Variants in ABCC11 observed in about 807,000 individuals in gnomAD.
The protein encoded by ABCC11 is ATP binding cassette subfamily C member 11.
In ABCC11, 135 loss-of-function variants were observed where a neutral mutation model predicts 149.3. The ratio of observed to expected loss-of-function variants is 0.90; its 90% CI spans 0.79 to 1.04. ABCC11 has a LOEUF of 1.04. Ranked by LOEUF, ABCC11 falls within the 50% of genes least tolerant of loss-of-function variation. The pLI, the probability that ABCC11 is intolerant of heterozygous loss-of-function variation, is 0.00. For synonymous variants in ABCC11, 665 were observed against 671.4 expected (o/e 0.99, Z 0.15); for missense variants, 1,680 against 1,722.1 (o/e 0.98, Z 0.43).
At chr16:48,244,946 A>T (rs1971274024) in intron 1 of ABCC11, among the ~76,000 whole-genome samples, 1 of 151,892 alleles carries the variant, frequency 6.6e-6, no homozygotes, top group Non-Finnish European at 1.5e-5. Flanking sequence ...AGTGCTTTTA[A>T]CTTTCCAGGC....
rs2150700612 is a variant in ABCC11 at position 48,167,574 on chromosome 16, G to A, written c.3978C>T (p.Gly1326=). The change falls in exon 29 of 30, where the codon GGC becomes GGT. Residue 1326 remains glycine, a synonymous_variant. Transcript: ENST00000356608. ...GGTGGGCAATGACGAGCACGGTGCA[G>A]CCCTGGAAGGCTTCACGGATTGTGC... ...IQRTIREAFQ[G]CTVLVIAHRV... is the part of the protein sequence containing the mutation. The A allele has an allele frequency of 6.2e-7, 1 of 1,614,210 alleles. No individual in the cohort carries two copies. The highest frequency in any genetic ancestry group is 1.7e-5 in the Admixed American group (1 of 60,026).
At chr16:48,228,488 C>T (rs374001427) in intron 3 of ABCC11, among the ~76,000 whole-genome samples, 12 of 151,846 alleles carry the variant, frequency 7.9e-5, no homozygotes, top group Non-Finnish European at 1.2e-4. Flanking sequence ...CCCAGCTACT[C>T]GGGAGGCTGA....
At chr16:48,208,361 A>C in intron 12 of ABCC11, 64 bp downstream of exon 12, 1 of 1,599,248 alleles carries the variant, frequency 6.3e-7, no homozygotes, top group Non-Finnish European at 8.6e-7. Flanking sequence ...CGCCTGGGGC[A>C]CTGGAGCTTG....
rs868029279 is a variant in ABCC11 at position 48,211,143 on chromosome 16, G to T, written c.1413C>A (p.Ser471Arg). ...VFYVQTLQDP[S>R]KALVFEEATL... ...TGGCCTCCTCAAAGACCAGAGCTTT[G>T]CTGGGGTCTTGTAATGTCTGGACAT... The change falls in exon 11 of 30, where the codon AGC becomes AGA. Residue 471 changes from serine to arginine, a missense_variant. Transcript: ENST00000356608. 7 of 1,614,212 alleles carry T rather than the reference G, an allele frequency of 4.3e-6. 1 individual carries two copies. The Middle Eastern group carries it at 9.9e-4, about 228-fold the overall frequency.
At position 48,215,300 on chromosome 16, in the gene ABCC11, A is replaced by C; in HGVS notation, c.996T>G (p.Ser332=). ...RMAVKAQHHT[S]EVSDQRIRVT... Reference sequence around the variant, plus strand: ...CACGGATGCGCTGGTCGCTGACCTCAGATGTGTGATGCTGAGCCTTCACAG... The same window carrying C: ...CACGGATGCGCTGGTCGCTGACCTCCGATGTGTGATGCTGAGCCTTCACAG... The change falls in exon 8 of 30, where the codon TCT becomes TCG. Residue 332 remains serine, a synonymous_variant. Coordinates refer to ENST00000356608, the MANE Select transcript of ABCC11 (RefSeq NM_001370497.1). 6.2e-7 allele frequency: 1 copy of C among 1,614,188 alleles called. No individual in the cohort carries two copies. Among genetic ancestry groups the C allele is most frequent in the Non-Finnish European group, 8.5e-7 (1 of 1,179,998 alleles).
chr16:48,183,148 G>A (rs1251802717), intron 23 of ABCC11, among the ~76,000 whole-genome samples: 2 of 152,096 alleles, frequency 1.3e-5, no homozygotes, highest in African/African-American at 4.8e-5. Flanking sequence ...CATTCTCTCA[G>A]GGGACATACG....
At chr16:48,165,619 T>G (rs17743256), downstream of ABCC11, 12,085 of 152,428 alleles carry the variant, frequency 0.079, 509 homozygotes, top group African/African-American at 0.1. Context: ...TGCATCCTGT[T>G]CCTGCTTCTA....
At chr16:48,210,479 A>G (rs1171552640) in intron 11 of ABCC11, 1 of 160,896 alleles carries the variant, frequency 6.2e-6, no homozygotes, top group Non-Finnish European at 1.4e-5. Flanking sequence ...CAATATCTAC[A>G]TTAATAGATA....
At chr16:48,184,769 C>T in intron 22 of ABCC11, 143 bp from the exon 23 acceptor site, 1 of 822,004 alleles carries the variant, frequency 1.2e-6, no homozygotes, top group Non-Finnish European at 1.9e-6. Flanking sequence ...GGGAGTTCCT[C>T]CCTACCCCTT....
chr16:48,226,099 T>C (rs2150905649), intron 4 of ABCC11, among the ~76,000 whole-genome samples: 1 of 152,016 alleles, frequency 6.6e-6, no homozygotes, highest in Middle Eastern at 3.4e-3. Context: ...TTATTTGAAA[T>C]GGAGTCTCAC....
At chr16:48,167,419 C>T in intron 29 of ABCC11, 53 bp from the exon 30 acceptor site, 1 of 1,590,698 alleles carries the variant, frequency 6.3e-7, no homozygotes, top group Non-Finnish European at 8.6e-7. Flanking sequence ...GAGCTTGTGT[C>T]CTTGGAGGAC....
At chr16:48,202,717 A>G (rs892227228) in intron 14 of ABCC11, among the ~76,000 whole-genome samples, 1 of 152,236 alleles carries the variant, frequency 6.6e-6, no homozygotes, top group East Asian at 1.9e-4. Context: ...AGTCACTAGA[A>G]TAGCACCTTG....
chr16:48,211,406 C>T (rs182064700), intron 10 of ABCC11, among the ~76,000 whole-genome samples: 16 of 152,272 alleles, frequency 1.1e-4, no homozygotes, highest in East Asian at 5.8e-4. Flanking sequence ...TTCAGACCAC[C>T]GGGCCACTCT....
At chr16:48,243,717 C>G (rs186000571) in intron 1 of ABCC11, among the ~76,000 whole-genome samples, 1 of 152,304 alleles carries the variant, frequency 6.6e-6, no homozygotes, top group East Asian at 1.9e-4. Flanking sequence ...TCGGGCCGGG[C>G]ACGTTGGCTC....
At chr16:48,174,221 C>G (rs1034348272) in intron 26 of ABCC11, among the ~76,000 whole-genome samples, 39 of 152,232 alleles carry the variant, frequency 2.6e-4, no homozygotes, top group African/African-American at 7.7e-4. Flanking sequence ...TGAGCTCCTG[C>G]TGGGGGAGCA....
At position 48,222,580 on chromosome 16, in the gene ABCC11, G is replaced by GCAGTC; in HGVS notation, c.777+13_777+17dup. On this transcript the variant is annotated intron_variant, in intron 6 of 29. Coordinates refer to ENST00000356608, the MANE Select transcript of ABCC11 (RefSeq NM_001370497.1). The stretch of plus-strand genomic sequence containing the variant: ...GGTAGGGAAGCATGGCCCAGAATAG[G>GCAGTC]CAGTCCCAGCTGCTTACCTCTCCTG... 6.2e-7 allele frequency: 1 copy of GCAGTC among 1,603,812 alleles called. No individual in the cohort carries two copies. The highest frequency in any genetic ancestry group is 8.5e-7 in the Non-Finnish European group (1 of 1,170,696).
Position 48,184,700 on chromosome 16 carries a change from G to A in ABCC11, c.3072-74C>T, listed in dbSNP as rs541622797. The A allele has an allele frequency of 1.1e-4, 165 of 1,463,448 alleles. No individual in the cohort carries two copies. The African/African-American group carries it at 1.7e-3, about 15-fold the overall frequency. 90.7% of individuals were successfully genotyped at this position (1,463,448 alleles called of 1,614,324 possible). On this transcript the variant is annotated intron_variant, in intron 22 of 29. Coordinates refer to ENST00000356608, the MANE Select transcript of ABCC11 (RefSeq NM_001370497.1). Reference sequence around the variant, plus strand: ...GTCTCCCCGGGTCAGGGTAGATACCGGCTGCTTCCTCCAGCATCCAGTTCC... The same window carrying A: ...GTCTCCCCGGGTCAGGGTAGATACCAGCTGCTTCCTCCAGCATCCAGTTCC...
At chr16:48,225,639 C>G (rs577555799) in intron 4 of ABCC11, among the ~76,000 whole-genome samples, 38 of 152,284 alleles carry the variant, frequency 2.5e-4, no homozygotes, top group African/African-American at 8.2e-4. Context: ...GAGTGTACTT[C>G]CTGTCGCCTC....
chr16:48,205,203 C>T (rs535657728), intron 13 of ABCC11, among the ~76,000 whole-genome samples: 11 of 152,324 alleles, frequency 7.2e-5, no homozygotes, highest in Admixed American at 2.0e-4. Context: ...TGGGTGACTT[C>T]GGGCAAATTA....
Sources: allele counts gnomAD v4.1 joint callset (sites outside exome capture counted in the v4.1 genomes callset), GRCh38; gene constraint gnomAD v4.1.1; transcripts MANE v1.5; gene names NCBI Gene and HGNC (gene_info 2026-07-23, HGNC 2026-07-21).